The following INPP4B variants were observed in gnomAD, a reference collection of about 807,000 sequenced individuals.
The protein encoded by INPP4B is inositol polyphosphate-4-phosphatase type II B.
In INPP4B, 55 loss-of-function variants were observed where a neutral mutation model predicts 122.5. The ratio of observed to expected loss-of-function variants is 0.45; its 90% CI spans 0.36 to 0.56. The LOEUF (loss-of-function observed/expected upper bound fraction) is 0.56. Among genes scored for constraint, INPP4B ranks in the 20% least tolerant of loss-of-function variants. The pLI, the probability that INPP4B is intolerant of heterozygous loss-of-function variation, is 0.00. For synonymous variants in INPP4B, 403 were observed against 388.7 expected (o/e 1.04, Z -0.43); for missense variants, 1,000 against 1,097.7 (o/e 0.91, Z 1.26).
intron 7 of INPP4B, among the ~76,000 whole-genome samples, chr4:142,332,149 T>C (rs1052143583): frequency 6.6e-6 from 1 of 152,222 alleles, no homozygotes; most frequent in Admixed American, 6.5e-5. Flanking sequence ...ATAATTTTTA[T>C]TTCATAGCTT....
intron 1 of INPP4B, among the ~76,000 whole-genome samples, chr4:142,816,124 A>C (rs1357047437): frequency 6.6e-6 from 1 of 152,106 alleles, no homozygotes; most frequent in Non-Finnish European, 1.5e-5. Flanking sequence ...TTCTCTTCCT[A>C]GCAGGCCCTC....
At position 142,274,563 on chromosome 4, in the gene INPP4B, T is replaced by C. The variant is rs377523810; in HGVS notation, c.504-3789A>G. ...AATCTGGAAAGTGACTTAGCACTTATATCCAAATTAAAAAAGAGCTAGCTT... is the reference window on the plus strand; with the variant it reads ...AATCTGGAAAGTGACTTAGCACTTACATCCAAATTAAAAAAGAGCTAGCTT... On this transcript the variant is annotated intron_variant, in intron 9 of 25. Coordinates refer to ENST00000262992, the MANE Select transcript of INPP4B (RefSeq NM_001101669.3). Among the ~76,000 whole-genome samples the C allele has an allele frequency of 1.2e-4, 18 of 151,986 alleles. No individual in the cohort carries two copies. The East Asian group carries it at 2.7e-3, about 23-fold the overall frequency.
At chr4:142,766,354 T>C (rs1390830542) in intron 1 of INPP4B, among the ~76,000 whole-genome samples, 1 of 152,066 alleles carries the variant, frequency 6.6e-6, no homozygotes, top group East Asian at 1.9e-4. Context: ...ATGGTTAGTC[T>C]GACAGCAGAA....
At position 142,237,907 on chromosome 4, in the gene INPP4B, G is replaced by A; in HGVS notation, c.793C>T (p.Pro265Ser). 1 of 1,577,666 alleles carries A rather than the reference G, an allele frequency of 6.3e-7. No individual in the cohort carries two copies. Among genetic ancestry groups the A allele is most frequent in the Non-Finnish European group, 8.7e-7 (1 of 1,151,172 alleles). ...ATGTGAAGGGAAATCAATTCCTTAG[G>A]AATATGAAAGGAAAGAATGCTCTCT... ...MSESILSFHI[P>S]KELISLHIKE... The change falls in exon 12 of 26, where the codon CCT (proline) becomes TCT (serine). Residue 265 changes from proline (P) to serine (S), a missense_variant. Pro to Ser is a moderately conservative substitution (Grantham distance 74). Coordinates refer to ENST00000262992, the MANE Select transcript of INPP4B (RefSeq NM_001101669.3).
intron 1 of INPP4B, among the ~76,000 whole-genome samples, chr4:142,741,520 C>T (rs12504420): frequency 0.027 from 4,122 of 151,960 alleles, 76 homozygotes; most frequent in Middle Eastern, 0.095. Context: ...AGAAAACACA[C>T]ATCCAAACCA....
intron 1 of INPP4B, among the ~76,000 whole-genome samples, chr4:142,805,021 C>A (rs4690702): frequency 0.034 from 5,100 of 152,202 alleles, 437 homozygotes; most frequent in East Asian, 0.24. Context: ...ATTTCTTTCA[C>A]CTACAATAGT....
At chr4:142,719,114 C>T (rs1426268976) in intron 2 of INPP4B, among the ~76,000 whole-genome samples, 1 of 152,100 alleles carries the variant, frequency 6.6e-6, no homozygotes, top group East Asian at 1.9e-4. Context: ...ATGGGAACAA[C>T]TCTTCCTTTC....
chr4:142,623,487 C>G (rs1384603022), intron 2 of INPP4B, among the ~76,000 whole-genome samples: 4 of 151,858 alleles, frequency 2.6e-5, no homozygotes, highest in Non-Finnish European at 5.9e-5. Flanking sequence ...AAACAGGGAT[C>G]CATGGTGATG....
At chr4:142,250,133 T>C (rs900043522) in intron 11 of INPP4B, among the ~76,000 whole-genome samples, 7 of 152,216 alleles carry the variant, frequency 4.6e-5, no homozygotes, top group African/African-American at 1.4e-4. Flanking sequence ...TATATATCTT[T>C]CTTATGGAAT....
At chr4:142,748,181 A>G (rs1769081300) in intron 1 of INPP4B, among the ~76,000 whole-genome samples, 1 of 152,152 alleles carries the variant, frequency 6.6e-6, no homozygotes, top group African/African-American at 2.4e-5. Flanking sequence ...GAGAAATCAC[A>G]AAGAAACTTA....
intron 12 of INPP4B, among the ~76,000 whole-genome samples, chr4:142,214,697 C>T (rs866353231): frequency 5.3e-5 from 8 of 152,088 alleles, no homozygotes; most frequent in South Asian, 2.1e-4. Context: ...GGACTACAGG[C>T]GCCTGCCATC....
At chr4:142,812,443 A>G (rs1779625067) in intron 1 of INPP4B, among the ~76,000 whole-genome samples, 1 of 152,152 alleles carries the variant, frequency 6.6e-6, no homozygotes, top group Non-Finnish European at 1.5e-5. Flanking sequence ...TAAAGTTAGA[A>G]AATAGTATTG....
At chr4:142,441,687 A>T (rs150036385) in intron 3 of INPP4B, among the ~76,000 whole-genome samples, 1 of 152,262 alleles carries the variant, frequency 6.6e-6, no homozygotes, top group African/African-American at 2.4e-5. Flanking sequence ...GGACAAGAAA[A>T]GAAGTTAGTT....
intron 5 of INPP4B, chr4:142,427,153 C>A (rs1808278256): frequency 5.7e-6 from 1 of 175,554 alleles, no homozygotes; most frequent in East Asian, 1.4e-4. Context: ...TCTGTAATAC[C>A]CTTGAAAGAG....
intron 25 of INPP4B, among the ~76,000 whole-genome samples, chr4:142,058,215 AT>A (rs1406903872): frequency 6.6e-6 from 1 of 152,096 alleles, no homozygotes; most frequent in South Asian, 2.1e-4. Context: ...ATCTTAGTAA[AT>A]TTCAGAAGCT....
At chr4:142,505,337 T>A (rs1823884915) in intron 2 of INPP4B, among the ~76,000 whole-genome samples, 1 of 152,108 alleles carries the variant, frequency 6.6e-6, no homozygotes, top group South Asian at 2.1e-4. Context: ...AAAATGGTGA[T>A]GACTGTTGTT....
intron 8 of INPP4B, among the ~76,000 whole-genome samples, chr4:142,308,033 C>T (rs911877494): frequency 3.9e-5 from 6 of 152,068 alleles, no homozygotes; most frequent in South Asian, 4.1e-4. Context: ...AATTTATGAC[C>T]GCAAGTCATT....
At chr4:142,540,061 G>T (rs1828759116) in intron 2 of INPP4B, among the ~76,000 whole-genome samples, 1 of 151,892 alleles carries the variant, frequency 6.6e-6, no homozygotes, top group South Asian at 2.1e-4. Context: ...TTTTTACACA[G>T]TTCCTCTATT....
At chr4:142,625,150 G>C (rs1746037257) in intron 2 of INPP4B, among the ~76,000 whole-genome samples, 1 of 151,034 alleles carries the variant, frequency 6.6e-6, no homozygotes, top group South Asian at 2.1e-4. Flanking sequence ...GGCAGGAGAA[G>C]GAAATAAAGG....
Sources: allele counts gnomAD v4.1 joint callset (sites outside exome capture counted in the v4.1 genomes callset), GRCh38; gene constraint gnomAD v4.1.1; transcripts MANE v1.5; gene names NCBI Gene and HGNC (gene_info 2026-07-23, HGNC 2026-07-21).